Variants in DST observed in about 807,000 individuals in gnomAD.
The protein encoded by DST is bullous pemphigoid antigen.
Under a neutral mutation model 875.2 loss-of-function variants are expected in DST, and 253 were observed. The ratio of observed to expected loss-of-function variants is 0.29; its 90% CI spans 0.26 to 0.32. The LOEUF (loss-of-function observed/expected upper bound fraction) is 0.32. DST is among the 10% of genes least tolerant of loss of function. The probability of loss-of-function intolerance (pLI) is 1.00; values close to 1 mark genes in which losing one functional copy is unlikely to be tolerated. For missense variants in DST, 8,287 were observed against 9,111.6 expected, an observed-to-expected ratio of 0.91 and a Z score of 3.68; for synonymous variants, 3,124 against 3,197.1, an observed-to-expected ratio of 0.98 and a Z score of 0.77.
chr6:56,524,391 C>A (rs1460858133), intron 69 of DST, among the ~76,000 whole-genome samples: 1 of 152,018 alleles, frequency 6.6e-6, no homozygotes, highest in African/African-American at 2.4e-5. Flanking sequence ...AATAATGGAA[C>A]CTTCGGATTA....
At chr6:56,732,754 G>C (rs73457707) in intron 5 of DST, among the ~76,000 whole-genome samples, 1,807 of 152,244 alleles carry the variant, frequency 0.012, 28 homozygotes, top group African/African-American at 0.041. Context: ...GCAAATAGTT[G>C]AAACAATAAG....
At chr6:56,563,956 C>G (rs942898268) in intron 55 of DST, among the ~76,000 whole-genome samples, 11 of 152,154 alleles carry the variant, frequency 7.2e-5, no homozygotes, top group Non-Finnish European at 1.3e-4. Flanking sequence ...GGTACCAGTA[C>G]CATGCTGTTT....
At chr6:56,776,930 T>A (rs2099680323) in intron 4 of DST, among the ~76,000 whole-genome samples, 1 of 152,116 alleles carries the variant, frequency 6.6e-6, no homozygotes, top group Admixed American at 6.5e-5. Context: ...GAAAAGTCAG[T>A]TTTGAGGAGA....
In DST at chr6:56,517,275, C is replaced by T; in HGVS notation, c.18280G>A (p.Asp6094Asn). 1 of 1,612,836 alleles carries T rather than the reference C, an allele frequency of 6.2e-7. No individual in the cohort carries two copies. Among genetic ancestry groups the T allele is most frequent in the Non-Finnish European group, 8.5e-7 (1 of 1,179,516 alleles). Residue 6094 changes from aspartate (D) to asparagine (N), a missense_variant, in exon 71 of 104, where the codon GAT (aspartate) becomes AAT (asparagine). Asp to Asn is a conservative substitution (Grantham distance 23, BLOSUM62 1). Around this residue, in one of 10 missense-constraint regions of DST, gnomAD observed 777 missense variants for 764.8 expected, o/e 1.02. Transcript: ENST00000680361. ...TFTMEILRHK[D>N]IIDDLVKSGH... The stretch of plus-strand genomic sequence containing the variant: ...GATTTAACAAGGTCATCAATAATAT[C>T]CTTGTGTCTCAAAATCTCCATGGTG...
At chr6:56,738,520 C>T (rs1007607516) in intron 4 of DST, among the ~76,000 whole-genome samples, 2 of 152,184 alleles carry the variant, frequency 1.3e-5, no homozygotes, top group Admixed American at 1.3e-4. Flanking sequence ...TGGGGTTTCA[C>T]CGTGTTAGCC....
Position 56,561,416 on chromosome 6 carries a change from AC to A in DST, c.14201del (p.Ser4734MetfsTer3). 3 of 1,613,852 alleles carry A rather than the reference AC, an allele frequency of 1.9e-6. No individual in the cohort carries two copies. The highest frequency in any genetic ancestry group is 2.5e-6 in the Non-Finnish European group (3 of 1,179,814). On this transcript the variant is annotated frameshift_variant, in exon 57 of 104. Coordinates refer to ENST00000680361, the MANE Select transcript of DST (RefSeq NM_001374736.1). LOFTEE classifies it high-confidence loss of function. ...TTTTCTGTAACCACTGCATCATTGC[AC>A]TTGATTCTTCCTGAGCCTTTTGCAA... Reference protein sequence around the residue: ...SKLQKAQEESSAMMQWLQKMN... With the variant: ...SKLQKAQEESXAMMQWLQKMN...
intron 4 of DST, 142 bp downstream of exon 4, chr6:56,851,254 TA>T: frequency 1.3e-6 from 1 of 774,248 alleles, no homozygotes; most frequent in Non-Finnish European, 2.1e-6. Context: ...AGGCATAAAG[TA>T]AACATGGTCA....
At position 56,595,533 on chromosome 6, in the gene DST, G is replaced by A. The variant is rs374005266; in HGVS notation, c.12196-1340C>T. ...AATCCCAAGTACTTAGAACAGTGCT[G>A]GCACACAGGAGCTGAGTAAGAATAA... On this transcript the variant is annotated intron_variant, in intron 47 of 103. Coordinates refer to ENST00000680361, the MANE Select transcript of DST (RefSeq NM_001374736.1). 2.6e-5 allele frequency among the ~76,000 whole-genome samples: 4 copies of A among 151,836 alleles called. No homozygotes were observed. In the South Asian group the frequency reaches 6.2e-4, roughly 24 times the overall value.
intron 3 of DST, chr6:56,871,201 A>G: frequency 1.3e-6 from 1 of 757,396 alleles, no homozygotes; most frequent in East Asian, 2.4e-5. Context: ...ATGGTTCACT[A>G]TTTACTTGAC....
chr6:56,810,380 G>A (rs1015341670), intron 4 of DST, among the ~76,000 whole-genome samples: 3 of 152,090 alleles, frequency 2.0e-5, no homozygotes, highest in African/African-American at 7.2e-5. Flanking sequence ...GCATTTTATA[G>A]TAATACACTG....
intron 3 of DST, among the ~76,000 whole-genome samples, chr6:56,879,319 A>G (rs954183022): frequency 1.3e-5 from 2 of 151,904 alleles, no homozygotes; most frequent in Non-Finnish European, 1.5e-5. Context: ...AAATACAAAA[A>G]AATTAGCCAG....
Position 56,506,697 on chromosome 6 carries a change from A to T in DST, c.19332T>A (p.Asp6444Glu). 1 of 1,613,670 alleles carries T rather than the reference A, an allele frequency of 6.2e-7. No individual in the cohort carries two copies. The highest frequency in any genetic ancestry group is 8.5e-7 in the Non-Finnish European group (1 of 1,179,696). Residue 6444 changes from aspartate to glutamate, a missense_variant, in exon 76 of 104, where the codon GAT (aspartate) becomes GAA (glutamate). This residue lies in a region of DST where 1,292 missense variants were observed against 1,552.7 expected (regional missense o/e 0.83). Coordinates refer to ENST00000680361, the MANE Select transcript of DST (RefSeq NM_001374736.1). ...CTATACTCTTCTTGACAATGGGTTT[A>T]TCAGGCTCCCCACATGCCGCAATGA... ...SELIAACGEP[D>E]KPIVKKSIDE...
At chr6:56,643,839 C>A (rs570763348) in intron 15 of DST, among the ~76,000 whole-genome samples, 22 of 152,292 alleles carry the variant, frequency 1.4e-4, no homozygotes, top group African/African-American at 5.1e-4. Flanking sequence ...AGTGAGTGAA[C>A]AGAATAGCTC....
At chr6:56,625,122 T>C (rs1030955910) in intron 35 of DST, 35 bp downstream of exon 35, 8 of 1,389,244 alleles carry the variant, frequency 5.8e-6, no homozygotes, top group Admixed American at 1.7e-5. Flanking sequence ...CTTTCTTTTA[T>C]GCCCCTTCCC....
Position 56,482,303 on chromosome 6 carries a change from T to TTA in DST, c.21403-126_21403-125insTA, listed in dbSNP as rs1582710772. ...AAAAAAAAGTTTTAAATTTAATTGC[T>TTA]TCATTACTCCCATTAAGAAGATAGA... is the stretch of plus-strand genomic sequence containing the variant. On this transcript the variant is annotated intron_variant, in intron 89 of 103. Coordinates refer to ENST00000680361, the MANE Select transcript of DST (RefSeq NM_001374736.1). The TTA allele has an allele frequency of 1.9e-5, 20 of 1,078,446 alleles. No individual in the cohort carries two copies. The East Asian group carries it at 4.9e-4, about 26-fold the overall frequency. 66.8% of individuals were successfully genotyped at this position (1,078,446 alleles called of 1,614,324 possible).
chr6:56,594,260 G>T, intron 47 of DST, 67 bp from the exon 48 acceptor site: 1 of 1,323,618 alleles, frequency 7.6e-7, no homozygotes. Context: ...GGAGCTCCTT[G>T]CCGCCTCAAG....
intron 3 of DST, among the ~76,000 whole-genome samples, chr6:56,884,895 A>AT (rs1562286022): frequency 1.3e-5 from 2 of 151,940 alleles, no homozygotes; most frequent in Admixed American, 6.6e-5. Context: ...CGCCAGGCTA[A>AT]TTTTTTTTGT....
chr6:56,622,857 C>A (rs1269020251), intron 36 of DST, among the ~76,000 whole-genome samples: 1 of 152,134 alleles, frequency 6.6e-6, no homozygotes, highest in Non-Finnish European at 1.5e-5. Context: ...TTTCTTTTAA[C>A]TAAATCAGTA....
intron 2 of DST, among the ~76,000 whole-genome samples, chr6:56,910,785 T>C (rs1798531585): frequency 6.6e-6 from 1 of 152,210 alleles, no homozygotes; most frequent in African/African-American, 2.4e-5. Context: ...GTGCTCGGCC[T>C]GTACATTTAT....
Sources: allele counts gnomAD v4.1 joint callset (sites outside exome capture counted in the v4.1 genomes callset), GRCh38; gene constraint gnomAD v4.1.1; regional missense constraint gnomAD v4.1.1; transcripts MANE v1.5; gene names NCBI Gene and HGNC (gene_info 2026-07-23, HGNC 2026-07-21).